Variants in RFX8 observed in about 807,000 individuals in gnomAD.
RFX8 encodes DNA-binding protein RFX8.
Under a neutral mutation model 54.6 loss-of-function variants are expected in RFX8, and 46 were observed. The ratio of observed to expected loss-of-function variants is 0.84; its 90% CI spans 0.67 to 1.08. The LOEUF (loss-of-function observed/expected upper bound fraction) is 1.08, where lower values mean the gene tolerates loss of function less well. Ranked by LOEUF, RFX8 falls within the 50% of genes least tolerant of loss-of-function variation. The pLI, the probability that RFX8 is intolerant of heterozygous loss-of-function variation, is 0.00. For synonymous variants in RFX8, 192 were observed against 209.5 expected, an observed-to-expected ratio of 0.92 and a Z score of 0.72; for missense variants, 536 against 562.3, an observed-to-expected ratio of 0.95 and a Z score of 0.47.
At position 101,441,878 on chromosome 2, in the gene RFX8, T is replaced by C. The variant is rs184624311; in HGVS notation, c.73-19406A>G. ...CTGCCAGTCTTGTCTTTTGGCTGATTATATAAGATAATTTACATTTAAGGG... is the reference window on the plus strand; with the variant it reads ...CTGCCAGTCTTGTCTTTTGGCTGATCATATAAGATAATTTACATTTAAGGG... On this transcript the variant is annotated intron_variant, in intron 2 of 11. Coordinates refer to ENST00000428343, the MANE Select transcript of RFX8 (RefSeq NM_001145664.2). 2.3e-4 allele frequency among the ~76,000 whole-genome samples: 35 copies of C among 152,346 alleles called. No homozygotes were observed. In the East Asian group the frequency reaches 6.8e-3, roughly 29 times the overall value.
At position 101,423,483 on chromosome 2, in the gene RFX8, C is replaced by T. The variant is rs571066578; in HGVS notation, c.73-1011G>A. On this transcript the variant is annotated intron_variant, in intron 2 of 11. Transcript: ENST00000428343. ...GTCATAGACTGCTTTTGAATAATTT[C>T]CCTTACAATAAAGTAGGATGAAAGA... Among the ~76,000 whole-genome samples the T allele has an allele frequency of 1.1e-4, 17 of 152,204 alleles. No individual in the cohort carries two copies. In the South Asian group the frequency reaches 3.5e-3, roughly 32 times the overall value.
At chr2:101,429,213 G>A (rs1270227514) in intron 2 of RFX8, among the ~76,000 whole-genome samples, 3 of 152,234 alleles carry the variant, frequency 2.0e-5, no homozygotes, top group Non-Finnish European at 4.4e-5. Context: ...CTGTAACTGG[G>A]ACAACCACGC....
At position 101,404,016 on chromosome 2, in the gene RFX8, T is replaced by G. The variant is rs569774998; in HGVS notation, c.929-1264A>C. On this transcript the variant is annotated intron_variant, in intron 10 of 11. Coordinates refer to ENST00000428343, the MANE Select transcript of RFX8 (RefSeq NM_001145664.2). ...TCACAACCACCTGACACAACTAGCTTGTATTTCTGTGGATGAGGGTCATCT... is the reference window on the plus strand; with the variant it reads ...TCACAACCACCTGACACAACTAGCTGGTATTTCTGTGGATGAGGGTCATCT... Among the ~76,000 whole-genome samples, 3 of 152,264 alleles carry G rather than the reference T, an allele frequency of 2.0e-5. No individual in the cohort carries two copies. The East Asian group carries it at 5.8e-4, about 29-fold the overall frequency.
In RFX8 at chr2:101,428,887, C is replaced by T. The variant is rs528832209; in HGVS notation, c.73-6415G>A. ...AGTACGCACAGAAAAACAGCTGGAT[C>T]GAATTAAGCAATCACTGGTATTGCT... On this transcript the variant is annotated intron_variant, in intron 2 of 11. Coordinates refer to ENST00000428343, the MANE Select transcript of RFX8 (RefSeq NM_001145664.2). 2.3e-4 allele frequency: 218 copies of T among 944,740 alleles called. 1 individual carries two copies. The highest frequency in any genetic ancestry group is 6.2e-4 in the Middle Eastern group (3 of 4,834). The allele number at this position is 944,740 out of a possible 1,614,324, so 58.5% of individuals were successfully genotyped here. A position where few individuals can be genotyped will look rare whatever the true frequency, so the allele number is the denominator to read the frequency against.
intron 2 of RFX8, among the ~76,000 whole-genome samples, chr2:101,443,943 A>G (rs1688235768): frequency 6.6e-6 from 1 of 152,048 alleles, no homozygotes; most frequent in East Asian, 2.0e-4. Flanking sequence ...CCACACCCAG[A>G]GCACTGGCAG....
At chr2:101,461,837 T>C (rs930512357) in intron 2 of RFX8, among the ~76,000 whole-genome samples, 1 of 152,098 alleles carries the variant, frequency 6.6e-6, no homozygotes, top group African/African-American at 2.4e-5. Context: ...AACATACACA[T>C]GACCAAAGCG....
intron 2 of RFX8, among the ~76,000 whole-genome samples, chr2:101,437,947 A>C (rs938840676): frequency 2.6e-5 from 4 of 152,206 alleles, no homozygotes; most frequent in Non-Finnish European, 4.4e-5. Context: ...AAATGGACTC[A>C]TATGCTATAT....
chr2:101,445,899 C>G (rs1288595093), intron 2 of RFX8, among the ~76,000 whole-genome samples: 1 of 152,074 alleles, frequency 6.6e-6, no homozygotes. Flanking sequence ...TTTTCATTAC[C>G]TGAAAACCAG....
At chr2:101,466,932 T>C in intron 1 of RFX8, 32 bp from the exon 2 acceptor site, 2 of 970,270 alleles carry the variant, frequency 2.1e-6, no homozygotes, top group Non-Finnish European at 3.2e-6. Context: ...AGGAGGAAAT[T>C]GGCATTTGTT....
chr2:101,428,994 AT>A (rs1482191342), intron 2 of RFX8: 2 of 1,533,684 alleles, frequency 1.3e-6, no homozygotes, highest in African/African-American at 2.7e-5. Flanking sequence ...TAATTAGTAG[AT>A]TTTTCAAAGG....
rs187287074 is a variant in RFX8, at chr2:101,405,651, G to A, written c.928+292C>T. Among the ~76,000 whole-genome samples, 8 of 151,900 alleles carry A rather than the reference G, an allele frequency of 5.3e-5. No homozygotes were observed. In the South Asian group the frequency reaches 1.5e-3, roughly 28 times the overall value. The stretch of plus-strand genomic sequence containing the variant: ...GTTCTCCATCTCAGTTGTCTCTCTC[G>A]GTGCTTTTCTCTAAATGTCACAAAG... On this transcript the variant is annotated intron_variant, in intron 10 of 11. Coordinates refer to ENST00000428343, the MANE Select transcript of RFX8 (RefSeq NM_001145664.2).
chr2:101,450,680 C>T lies in RFX8; in HGVS notation c.72+16097G>A, dbSNP rs765167453. On this transcript the variant is annotated intron_variant, in intron 2 of 11. Transcript: ENST00000428343. Reference sequence around the variant, plus strand: ...TGATACAGATTCCATCATAATGATACCTGGAAAAATAAAGGTTGTCTTTAA... The same window carrying T: ...TGATACAGATTCCATCATAATGATATCTGGAAAAATAAAGGTTGTCTTTAA... The T allele has an allele frequency of 1.0e-5, 15 of 1,459,900 alleles. No homozygotes were observed. The South Asian group carries it at 1.1e-4, about 11-fold the overall frequency. The allele number at this position is 1,459,900 out of a possible 1,614,324, so 90.4% of individuals were successfully genotyped here.
At chr2:101,469,718 A>G (rs1689870464) in intron 1 of RFX8, among the ~76,000 whole-genome samples, 1 of 152,102 alleles carries the variant, frequency 6.6e-6, no homozygotes, top group Admixed American at 6.5e-5. Flanking sequence ...ACAGACGCTC[A>G]TTTGTTCTAA....
At chr2:101,451,618 G>T (rs1428981933) in intron 2 of RFX8, among the ~76,000 whole-genome samples, 1 of 151,044 alleles carries the variant, frequency 6.6e-6, no homozygotes, top group East Asian at 1.9e-4. Context: ...GAATCTGGGA[G>T]GCGGAGGTTG....
chr2:101,402,190 C>T (rs553997651), intron 11 of RFX8, among the ~76,000 whole-genome samples: 1 of 152,196 alleles, frequency 6.6e-6, no homozygotes, highest in Admixed American at 6.5e-5. Context: ...GCAAGAAATA[C>T]CCAGGCCATC....
At chr2:101,461,111 C>CA (rs764174926) in intron 2 of RFX8, among the ~76,000 whole-genome samples, 85 of 149,540 alleles carry the variant, frequency 5.7e-4, no homozygotes, top group East Asian at 3.0e-3. Flanking sequence ...TACTAAAATA[C>CA]AAAAAAAAAT....
At chr2:101,415,080 C>G (rs996081749) in intron 6 of RFX8, among the ~76,000 whole-genome samples, 168 bp from the exon 7 acceptor site, 2 of 152,044 alleles carry the variant, frequency 1.3e-5, no homozygotes, top group Admixed American at 6.6e-5. Flanking sequence ...AAGATCCTGG[C>G]AGGGGACGCT....
chr2:101,414,942 T>C (rs1301365817), intron 6 of RFX8, 30 bp from the exon 7 acceptor site: 7 of 1,506,072 alleles, frequency 4.6e-6, no homozygotes, highest in Non-Finnish European at 6.3e-6. Flanking sequence ...TGGCCATTAA[T>C]ACAATAACTT....
intron 2 of RFX8, among the ~76,000 whole-genome samples, chr2:101,424,792 C>T (rs1687081335): frequency 6.6e-6 from 1 of 152,156 alleles, no homozygotes; most frequent in Admixed American, 6.5e-5. Context: ...TGCATGTTCT[C>T]ACTCATAGGT....
Sources: gnomAD v4.1 joint callset for allele counts (sites outside exome capture counted in the v4.1 genomes callset) on GRCh38, gnomAD v4.1.1 for gene constraint, MANE v1.5 for transcripts, NCBI Gene and HGNC (gene_info 2026-07-23, HGNC 2026-07-21) for gene names.